The following ADCY3 variants were observed in gnomAD, a reference collection of about 807,000 sequenced individuals.
The protein encoded by ADCY3 is adenylate cyclase 3, also known as adenylate cyclase type 3.
Under a neutral mutation model 119.4 loss-of-function variants are expected in ADCY3, and 70 were observed. The ratio of observed to expected loss-of-function variants is 0.59; its 90% CI spans 0.48 to 0.72. The LOEUF (loss-of-function observed/expected upper bound fraction) is 0.72, where lower values mean the gene tolerates loss of function less well. Ranked by LOEUF, ADCY3 falls within the 30% of genes least tolerant of loss-of-function variation. The probability of loss-of-function intolerance (pLI) is 0.00; values close to 1 mark genes in which losing one functional copy is unlikely to be tolerated. For synonymous variants in ADCY3, 672 were observed against 621.4 expected (o/e 1.08, Z -1.21); for missense variants, 1,238 against 1,541.6 (o/e 0.80, Z 3.30).
At position 24,829,412 on chromosome 2, in the gene ADCY3, ATTTTTTTTTT is replaced by A. The variant is rs67246369; in HGVS notation, c.2173-1261_2173-1252del. ...ATGTTGGTTGTATTTGTGTGCTCCA[ATTTTTTTTTT>A]TTTTTTTTTTTTTTTTTTGAGACAA... On this transcript the variant is annotated intron_variant, in intron 13 of 21. Transcript: ENST00000679454. Among the ~76,000 whole-genome samples the A allele has an allele frequency of 8.1e-3, 520 of 63,810 alleles. 4 individuals are homozygous for A. The highest frequency in any genetic ancestry group is 0.032 in the Middle Eastern group (2 of 62). The allele number at this position is 63,810 out of a possible 152,430, so 41.9% of individuals were successfully genotyped here. A position where few individuals can be genotyped will look rare whatever the true frequency, so the allele number is the denominator to read the frequency against.
intron 2 of ADCY3, among the ~76,000 whole-genome samples, chr2:24,893,178 C>T (rs980520931): frequency 2.6e-5 from 4 of 151,928 alleles, no homozygotes; most frequent in Admixed American, 6.6e-5. Flanking sequence ...AGACTACCAG[C>T]GCATACCATC....
intron 3 of ADCY3, among the ~76,000 whole-genome samples, chr2:24,869,530 C>G (rs528614099): frequency 2.7e-4 from 41 of 152,278 alleles, no homozygotes; most frequent in African/African-American, 9.4e-4. Flanking sequence ...CTCAGCCTCC[C>G]AAGTAGCTGG....
At chr2:24,821,782 G>C in intron 19 of ADCY3, 142 bp from the exon 20 acceptor site, 1 of 1,255,336 alleles carries the variant, frequency 8.0e-7, no homozygotes, top group Non-Finnish European at 1.1e-6. Context: ...CAAAGGAGTC[G>C]CAGCCACGCT....
intron 8 of ADCY3, among the ~76,000 whole-genome samples, chr2:24,838,040 C>A (rs1372874500): frequency 6.6e-6 from 1 of 151,288 alleles, no homozygotes; most frequent in Non-Finnish European, 1.5e-5. Flanking sequence ...TGGTCCTCCT[C>A]CCCCATGACC....
rs1172363048 is a variant in ADCY3, at chr2:24,899,872, A to C, written c.675+18441T>G. ...AAGGGGAGCAAGGGAAGGAAGGAGG[A>C]CTTTCACTTTTATTCTTTGTACTCC... On this transcript the variant is annotated intron_variant, in intron 2 of 21. Coordinates refer to ENST00000679454, the MANE Select transcript of ADCY3 (RefSeq NM_004036.5). The surrounding 1 kb of genome is among the most constrained non-coding windows in gnomAD (Gnocchi z 4.5). 6.6e-6 allele frequency among the ~76,000 whole-genome samples: 1 copy of C among 152,168 alleles called. No homozygotes were observed. The highest frequency in any genetic ancestry group is 2.4e-5 in the African/African-American group (1 of 41,446).
intron 3 of ADCY3, among the ~76,000 whole-genome samples, chr2:24,858,155 C>A (rs560227156): frequency 1.3e-5 from 2 of 150,890 alleles, no homozygotes; most frequent in African/African-American, 4.9e-5. Context: ...CGCACCACCA[C>A]CATGCCTGGA....
rs1558410394 is a variant in ADCY3 at position 24,828,133 on chromosome 2, G to T, written c.2201C>A (p.Pro734His). The change falls in exon 14 of 22, where the codon CCC becomes CAC. Residue 734 changes from proline to histidine, a missense_variant. By Grantham distance (77) the Pro-to-His change is moderately conservative (BLOSUM62 -2). Around this residue, in one of 7 missense-constraint regions of ADCY3, gnomAD observed 499 missense variants for 571.0 expected, o/e 0.87. Transcript: ENST00000679454. ...MLSCLQYYTG[P>H]SNATAGMETE... is the part of the protein sequence containing the mutation. ...TTCCATCCCTGCCGTTGCATTGCTGGGTCCCGTGTAGTACTGGAGACAGCT... is the reference window on the plus strand; with the variant it reads ...TTCCATCCCTGCCGTTGCATTGCTGTGTCCCGTGTAGTACTGGAGACAGCT... 3.7e-6 allele frequency: 6 copies of T among 1,614,026 alleles called. No individual in the cohort carries two copies. The highest frequency in any genetic ancestry group is 1.7e-4 in the Middle Eastern group (1 of 5,936).
chr2:24,870,362 A>G (rs911102491), intron 3 of ADCY3, among the ~76,000 whole-genome samples: 3 of 151,796 alleles, frequency 2.0e-5, no homozygotes, highest in African/African-American at 7.3e-5. Flanking sequence ...AAATCTCTCA[A>G]AAGTTTTACA....
At chr2:24,877,687 C>T (rs1172237229) in intron 2 of ADCY3, among the ~76,000 whole-genome samples, 1 of 152,200 alleles carries the variant, frequency 6.6e-6, no homozygotes, top group Non-Finnish European at 1.5e-5. Flanking sequence ...GGGTGAGTGG[C>T]ACACAGGAGA....
chr2:24,902,175 G>A (rs1437871619), intron 2 of ADCY3, among the ~76,000 whole-genome samples: 2 of 150,914 alleles, frequency 1.3e-5, no homozygotes, highest in Non-Finnish European at 2.9e-5. Flanking sequence ...CAACCTCCTG[G>A]GCTCAAGCGA....
chr2:24,831,907 A>ACAGGGGC (rs754512924), intron 11 of ADCY3, among the ~76,000 whole-genome samples, 158 bp from the exon 12 acceptor site: 10,981 of 88,290 alleles, frequency 0.12, 773 homozygotes, highest in East Asian at 0.22. Context: ...GGGACAGCGG[A>ACAGGGGC]CAGGGGCCAG....
Position 24,918,585 on chromosome 2 carries a change from T to C in ADCY3, c.403A>G (p.Thr135Ala), listed in dbSNP as rs1664746526. 6.2e-7 allele frequency: 1 copy of C among 1,614,102 alleles called. No homozygotes were observed. The highest frequency in any genetic ancestry group is 2.2e-5 in the East Asian group (1 of 44,876). ...CKKGLLPDRV[T>A]RRVLPYVLWL... ...AGCACGTAGGGCAGCACTCTGCGGG[T>C]GACCCGGTCCGGGAGCAGCCCCTTT... Residue 135 changes from threonine (T) to alanine (A), a missense_variant, in exon 2 of 22, where the codon ACC becomes GCC. By Grantham distance (58) the Thr-to-Ala change is moderately conservative. Transcript: ENST00000679454. The surrounding 1 kb of genome is among the most constrained non-coding windows in gnomAD (Gnocchi z 5.4).
chr2:24,848,926 A>C (rs757631839), intron 3 of ADCY3, among the ~76,000 whole-genome samples: 1 of 152,176 alleles, frequency 6.6e-6, no homozygotes, highest in Admixed American at 6.5e-5. Flanking sequence ...AAGGGATACA[A>C]GGAAGGGCCC....
intron 2 of ADCY3, among the ~76,000 whole-genome samples, chr2:24,896,731 G>A (rs1003038454): frequency 3.3e-5 from 5 of 151,718 alleles, no homozygotes; most frequent in Non-Finnish European, 7.4e-5. Context: ...GGCCTCTATC[G>A]AGATTTCTGG....
intron 2 of ADCY3, among the ~76,000 whole-genome samples, chr2:24,913,217 G>C (rs1159534629): frequency 1.3e-5 from 2 of 152,164 alleles, no homozygotes; most frequent in East Asian, 3.8e-4. Flanking sequence ...GCTGCTTCCT[G>C]CCCACCGCAC....
intron 19 of ADCY3, 29 bp from the exon 20 acceptor site, chr2:24,821,669 CAG>C (rs753207731): frequency 2.3e-5 from 37 of 1,611,576 alleles, no homozygotes; most frequent in Non-Finnish European, 3.1e-5. Context: ...GAGAAAGTGT[CAG>C]GGGCCGCTCA....
rs1386941952 is a variant in ADCY3, at chr2:24,841,336, G to A, written c.1119C>T (p.Ile373=). Residue 373 remains isoleucine, a synonymous_variant, in exon 6 of 22, where the codon ATC becomes ATT. Coordinates refer to ENST00000679454, the MANE Select transcript of ADCY3 (RefSeq NM_004036.5). The surrounding 1 kb of genome is among the most constrained non-coding windows in gnomAD (Gnocchi z 5.8). ...CCTCCCGGTAGTCGGGCAAGCCGCAGATGCAGTAGTAGCAGTCGCCCAGGA... is the reference window on the plus strand; with the variant it reads ...CCTCCCGGTAGTCGGGCAAGCCGCAAATGCAGTAGTAGCAGTCGCCCAGGA... ...IKILGDCYYC[I]CGLPDYREDH... 1 of 1,601,332 alleles carries A rather than the reference G, an allele frequency of 6.2e-7. No individual in the cohort carries two copies.
Position 24,828,115 on chromosome 2 carries a change from C to T in ADCY3, c.2219G>A (p.Gly740Glu). Reference protein sequence around the residue: ...YYTGPSNATAGMETEGSCLEN... With the variant: ...YYTGPSNATAEMETEGSCLEN... ...CAGGCAGCTGCCCTCCGTTTCCATC[C>T]CTGCCGTTGCATTGCTGGGTCCCGT... Residue 740 changes from glycine (G) to glutamate (E), a missense_variant, in exon 14 of 22, where the codon GGG (glycine) becomes GAG (glutamate). Coordinates refer to ENST00000679454, the MANE Select transcript of ADCY3 (RefSeq NM_004036.5). 1 of 1,614,102 alleles carries T rather than the reference C, an allele frequency of 6.2e-7. No individual in the cohort carries two copies. Among genetic ancestry groups the T allele is most frequent in the Non-Finnish European group, 8.5e-7 (1 of 1,180,036 alleles).
chr2:24,845,609 T>G (rs756231589), intron 3 of ADCY3, among the ~76,000 whole-genome samples: 1 of 152,178 alleles, frequency 6.6e-6, no homozygotes, highest in Non-Finnish European at 1.5e-5. Context: ...GGAAACAGCA[T>G]AAAAATTTGG....
Sources: gnomAD v4.1 joint callset for allele counts (sites outside exome capture counted in the v4.1 genomes callset) on GRCh38, gnomAD v4.1.1 for gene constraint, gnomAD v4.1.1 regional missense constraint, Gnocchi (gnomAD v3.1) non-coding constraint, MANE v1.5 for transcripts, NCBI Gene and HGNC (gene_info 2026-07-23, HGNC 2026-07-21) for gene names.